The following AGBL4 variants were observed in gnomAD, a reference collection of about 807,000 sequenced individuals.
The protein encoded by AGBL4 is AGBL carboxypeptidase 4.
A neutral mutation model predicts 66.4 loss-of-function variants in AGBL4; 58 were observed. The observed-to-expected ratio is 0.87, with a 90% confidence interval of 0.71 to 1.09. The LOEUF (loss-of-function observed/expected upper bound fraction) is 1.09. Among genes scored for constraint, AGBL4 ranks in the 50% least tolerant of loss-of-function variants. The pLI, the probability that AGBL4 is intolerant of heterozygous loss-of-function variation, is 0.00. For synonymous variants in AGBL4, 234 were observed against 222.9 expected, an observed-to-expected ratio of 1.05 and a Z score of -0.44; for missense variants, 579 against 631.0, an observed-to-expected ratio of 0.92 and a Z score of 0.88.
At chr1:49,475,285 G>A (rs1249324131) in intron 3 of AGBL4, among the ~76,000 whole-genome samples, 1 of 151,962 alleles carries the variant, frequency 6.6e-6, no homozygotes, top group African/African-American at 2.4e-5. Context: ...CAGGAATAAA[G>A]CCCACTTCAT....
At chr1:49,847,800 C>G (rs1276027880) in intron 2 of AGBL4, among the ~76,000 whole-genome samples, 1 of 151,718 alleles carries the variant, frequency 6.6e-6, no homozygotes, top group Non-Finnish European at 1.5e-5. Context: ...CCGCCAGGTT[C>G]ATGCCATTCT....
chr1:49,476,922 T>C (rs1218269583), intron 3 of AGBL4, among the ~76,000 whole-genome samples: 1 of 152,048 alleles, frequency 6.6e-6, no homozygotes, highest in Non-Finnish European at 1.5e-5. Context: ...AATAGAAGCC[T>C]GGCAGTAAGT....
chr1:49,401,013 T>C (rs903616954), intron 3 of AGBL4, among the ~76,000 whole-genome samples: 1 of 152,204 alleles, frequency 6.6e-6, no homozygotes. Context: ...AGGGTTTTCT[T>C]CAAGAGAGGA....
At chr1:49,593,210 C>T (rs1644785716) in intron 3 of AGBL4, among the ~76,000 whole-genome samples, 1 of 152,088 alleles carries the variant, frequency 6.6e-6, no homozygotes, top group Non-Finnish European at 1.5e-5. Flanking sequence ...TTGAGACCAT[C>T]CTGGCTAACA....
chr1:48,593,924 CAA>C (rs1448639307), intron 9 of AGBL4, among the ~76,000 whole-genome samples: 2 of 152,092 alleles, frequency 1.3e-5, no homozygotes, highest in Non-Finnish European at 2.9e-5. Flanking sequence ...TGATATTTGC[CAA>C]TTTGATGGGT....
chr1:49,129,422 C>A (rs1174433404), intron 4 of AGBL4, among the ~76,000 whole-genome samples: 1 of 151,572 alleles, frequency 6.6e-6, no homozygotes, highest in Non-Finnish European at 1.5e-5. Context: ...ATTAACTCGT[C>A]ATTTAGCATT....
intron 3 of AGBL4, among the ~76,000 whole-genome samples, chr1:49,555,286 C>T (rs1351338739): frequency 6.7e-6 from 1 of 149,690 alleles, no homozygotes; most frequent in African/African-American, 2.5e-5. Flanking sequence ...TTCTCCAAGT[C>T]CCCACTAGAT....
chr1:49,355,315 C>A (rs1286260873), intron 3 of AGBL4, among the ~76,000 whole-genome samples: 1 of 152,018 alleles, frequency 6.6e-6, no homozygotes, highest in African/African-American at 2.4e-5. Flanking sequence ...CATCATTTAC[C>A]AAGACGTTTA....
intron 6 of AGBL4, among the ~76,000 whole-genome samples, chr1:48,663,765 T>C (rs1032949976): frequency 3.2e-4 from 49 of 152,330 alleles, no homozygotes; most frequent in African/African-American, 1.1e-3. Context: ...GCCATTTAAT[T>C]AGCTCCTTTT....
intron 3 of AGBL4, among the ~76,000 whole-genome samples, chr1:49,545,247 A>AT (rs1181721759): frequency 1.3e-5 from 2 of 152,192 alleles, no homozygotes; most frequent in Non-Finnish European, 2.9e-5. Context: ...GAAAGCAGCC[A>AT]TGTTGGGGAG....
chr1:49,066,829 C>A (rs1644500699), intron 4 of AGBL4, among the ~76,000 whole-genome samples: 1 of 152,136 alleles, frequency 6.6e-6, no homozygotes, highest in Non-Finnish European at 1.5e-5. Flanking sequence ...GGAGAAGAGA[C>A]CTGGAGCCCT....
intron 3 of AGBL4, among the ~76,000 whole-genome samples, chr1:49,305,689 T>C (rs979729441): frequency 7.6e-6 from 1 of 130,976 alleles, no homozygotes; most frequent in Non-Finnish European, 1.7e-5. Flanking sequence ...TATGAATTAA[T>C]CATTCCTTTT....
intron 6 of AGBL4, among the ~76,000 whole-genome samples, chr1:48,697,723 T>C (rs189067857): frequency 9.2e-5 from 14 of 152,326 alleles, no homozygotes; most frequent in Non-Finnish European, 1.5e-5. Flanking sequence ...CCATTAATTC[T>C]GGCCCTTGAG....
intron 5 of AGBL4, among the ~76,000 whole-genome samples, chr1:48,889,686 A>G (rs2148854030): frequency 6.6e-6 from 1 of 152,288 alleles, no homozygotes; most frequent in East Asian, 1.9e-4. Flanking sequence ...CAGGACATGG[A>G]AAGGCCTCCA....
At chr1:49,256,542 T>C (rs922819796) in intron 3 of AGBL4, among the ~76,000 whole-genome samples, 2 of 152,160 alleles carry the variant, frequency 1.3e-5, no homozygotes, top group African/African-American at 4.8e-5. Flanking sequence ...GGGTGTTAAG[T>C]AAATGGAAAA....
At chr1:49,656,685 T>G (rs146110753) in intron 3 of AGBL4, among the ~76,000 whole-genome samples, 3,373 of 152,274 alleles carry the variant, frequency 0.022, 138 homozygotes, top group African/African-American at 0.077. Flanking sequence ...ATCCCTGGGA[T>G]GCAAGGCTGG....
intron 4 of AGBL4, among the ~76,000 whole-genome samples, chr1:49,171,314 T>C (rs573113626): frequency 6.6e-6 from 1 of 152,166 alleles, no homozygotes; most frequent in Admixed American, 6.5e-5. Flanking sequence ...TGGACAGATA[T>C]GAGGTCTGAA....
At chr1:49,730,014 TG>T (rs1649315128) in intron 2 of AGBL4, among the ~76,000 whole-genome samples, 1 of 152,150 alleles carries the variant, frequency 6.6e-6, no homozygotes, top group Non-Finnish European at 1.5e-5. Context: ...TTCTGGATAA[TG>T]GTTTTTAACC....
intron 3 of AGBL4, among the ~76,000 whole-genome samples, chr1:49,518,412 C>T (rs1370889749): frequency 6.6e-6 from 1 of 152,060 alleles, no homozygotes; most frequent in Non-Finnish European, 1.5e-5. Context: ...ACACATTGTG[C>T]TAGGCACTGA....
Sources: allele counts gnomAD v4.1 joint callset (sites outside exome capture counted in the v4.1 genomes callset), GRCh38; gene constraint gnomAD v4.1.1; transcripts MANE v1.5; gene names NCBI Gene and HGNC (gene_info 2026-07-23, HGNC 2026-07-21).